The following IL22RA2 variants were observed in gnomAD, a reference collection of about 807,000 sequenced individuals.
IL22RA2 encodes the protein interleukin 22 receptor subunit alpha 2.
Under a neutral mutation model 30.7 loss-of-function variants are expected in IL22RA2, and 39 were observed. The observed-to-expected ratio is 1.27, with a 90% CI of 0.98 to 1.66. The LOEUF (loss-of-function observed/expected upper bound fraction) is 1.66. Ranked by LOEUF, IL22RA2 falls within the 40% of genes most tolerant of loss-of-function variation. The pLI, the probability that IL22RA2 is intolerant of heterozygous loss-of-function variation, is 0.00. For missense variants in IL22RA2, 315 were observed against 312.7 expected, an observed-to-expected ratio of 1.01 and a Z score of -0.05; for synonymous variants, 103 against 105.0, an observed-to-expected ratio of 0.98 and a Z score of 0.11.
rs1348357274 is a variant in IL22RA2 at position 137,156,986 on chromosome 6, C to G, written c.198-132G>C. On this transcript the variant is annotated intron_variant, in intron 3 of 6. Transcript: ENST00000296980. Reference sequence around the variant, plus strand: ...AGTCTTGCAAGAGTGAGAACTCACTCAACTGCAGCAATAATGGTACCAAGC... The same window carrying G: ...AGTCTTGCAAGAGTGAGAACTCACTGAACTGCAGCAATAATGGTACCAAGC... 7 of 1,247,666 alleles carry G rather than the reference C, an allele frequency of 5.6e-6. No individual in the cohort carries two copies. The Admixed American group carries it at 8.8e-5, about 16-fold the overall frequency. The allele number at this position is 1,247,666 out of a possible 1,614,324, so 77.3% of individuals were successfully genotyped here. A position where few individuals can be genotyped will look rare whatever the true frequency, so the allele number is the denominator to read the frequency against.
At chr6:137,160,433 A>G (rs755058801) in intron 2 of IL22RA2, among the ~76,000 whole-genome samples, 11 of 152,206 alleles carry the variant, frequency 7.2e-5, no homozygotes, top group South Asian at 2.1e-4. Flanking sequence ...CAGGCAGCCA[A>G]TGGTGAAGCT....
At chr6:137,173,177 G>A (rs982032912) in intron 1 of IL22RA2, among the ~76,000 whole-genome samples, 1 of 152,198 alleles carries the variant, frequency 6.6e-6, no homozygotes, top group African/African-American at 2.4e-5. Flanking sequence ...TTCCAGACCA[G>A]CCTGGCCAAC....
intron 1 of IL22RA2, among the ~76,000 whole-genome samples, chr6:137,170,120 C>T (rs1214101103): frequency 6.6e-6 from 1 of 152,160 alleles, no homozygotes; most frequent in Non-Finnish European, 1.5e-5. Flanking sequence ...GACAGACATA[C>T]CACCATCCGA....
In IL22RA2 at chr6:137,168,976, C is replaced by T. The variant is rs192210455; in HGVS notation, c.-66+4437G>A. 2.7e-3 allele frequency among the ~76,000 whole-genome samples: 406 copies of T among 152,292 alleles called. 2 individuals are homozygous for T. Among genetic ancestry groups the T allele is most frequent in the Non-Finnish European group, 4.2e-3 (283 of 68,018 alleles). On this transcript the variant is annotated intron_variant, in intron 1 of 6. Coordinates refer to ENST00000296980, the MANE Select transcript of IL22RA2 (RefSeq NM_052962.3). ...TTTGTCCAGCTAGCCAAAAGTATTG[C>T]TAACAATTTAGGAGTTACTTCCTGT... is the stretch of plus-strand genomic sequence containing the variant.
intron 1 of IL22RA2, among the ~76,000 whole-genome samples, chr6:137,167,834 G>T (rs907431511): frequency 1.3e-5 from 2 of 152,302 alleles, no homozygotes; most frequent in South Asian, 2.1e-4. Flanking sequence ...GTTGGTCCAC[G>T]CACGGCTGAA....
rs1252924974 is a variant in IL22RA2, at chr6:137,144,347, A to G, written c.*1277T>C. The G allele has an allele frequency of 6.6e-6, 1 of 152,198 alleles. No individual in the cohort carries two copies. The highest frequency in any genetic ancestry group is 1.5e-5 in the Non-Finnish European group (1 of 68,050). 9.4% of individuals were successfully genotyped at this position (152,198 alleles called of 1,614,324 possible). A position where few individuals can be genotyped will look rare whatever the true frequency, so the allele number is the denominator to read the frequency against. Reference sequence around the variant, plus strand: ...CTGAATATTTTTTAATCCATTTATCACTGAGTACTTGCATATAACTAGAAG... The same window carrying G: ...CTGAATATTTTTTAATCCATTTATCGCTGAGTACTTGCATATAACTAGAAG... On this transcript the variant is annotated 3_prime_UTR_variant, in exon 7 of 7. Transcript: ENST00000296980.
rs140840931 is a variant in IL22RA2 at position 137,145,705 on chromosome 6, G to T, written c.711C>A (p.Tyr237Ter). The change falls in exon 7 of 7, where the codon TAC becomes TAA. Residue 237 changes from tyrosine (Y) to a stop codon, truncating the protein, a stop_gained. Coordinates refer to ENST00000296980, the MANE Select transcript of IL22RA2 (RefSeq NM_052962.3). LOFTEE classifies it low-confidence loss of function (END_TRUNC). ...EIEALTPHSS[Y>*]CVVAEIYQPM... The stretch of plus-strand genomic sequence containing the variant: ...GCTGATATATTTCAGCCACTACACA[G>T]TAGCTGGAGTGTGGTGTTAGAGCTT... 3.2e-5 allele frequency: 52 copies of T among 1,613,686 alleles called. No homozygotes were observed. In the African/African-American group the frequency reaches 5.9e-4, roughly 18 times the overall value.
At chr6:137,149,924 C>A (rs1157568987) in intron 5 of IL22RA2, among the ~76,000 whole-genome samples, 1 of 152,182 alleles carries the variant, frequency 6.6e-6, no homozygotes, top group African/African-American at 2.4e-5. Flanking sequence ...AGTGATCCTC[C>A]TACCTCGGCC....
At chr6:137,149,899 C>T (rs1235527379) in intron 5 of IL22RA2, among the ~76,000 whole-genome samples, 1 of 152,134 alleles carries the variant, frequency 6.6e-6, no homozygotes, top group Non-Finnish European at 1.5e-5. Flanking sequence ...TTGAAATGCT[C>T]TATTCTTTGC....
intron 1 of IL22RA2, among the ~76,000 whole-genome samples, chr6:137,162,715 A>T (rs962052029): frequency 1.3e-5 from 2 of 152,176 alleles, no homozygotes; most frequent in African/African-American, 4.8e-5. Context: ...GGTCTGTGCA[A>T]ACCTACCCTT....
chr6:137,152,554 A>T (rs1393434808), intron 5 of IL22RA2, among the ~76,000 whole-genome samples: 1 of 152,176 alleles, frequency 6.6e-6, no homozygotes, highest in Non-Finnish European at 1.5e-5. Flanking sequence ...GGCTAAGGGA[A>T]TGGTGAGACT....
rs541114375 is a variant in IL22RA2 at position 137,171,828 on chromosome 6, A to T, written c.-66+1585T>A. Among the ~76,000 whole-genome samples, 11 of 152,296 alleles carry T rather than the reference A, an allele frequency of 7.2e-5. No individual in the cohort carries two copies. The East Asian group carries it at 1.5e-3, about 21-fold the overall frequency. On this transcript the variant is annotated intron_variant, in intron 1 of 6. Transcript: ENST00000296980. ...CTGCATGCTTTCTGAGGCCAGCCCTATGTGGAAAGGTTTGTGTGGATAACA... is the reference window on the plus strand; with the variant it reads ...CTGCATGCTTTCTGAGGCCAGCCCTTTGTGGAAAGGTTTGTGTGGATAACA...
chr6:137,162,642 A>T (rs1041749961), intron 1 of IL22RA2, among the ~76,000 whole-genome samples: 2 of 151,932 alleles, frequency 1.3e-5, no homozygotes, highest in Non-Finnish European at 2.9e-5. Context: ...TTTTTACTAC[A>T]CGTGTTTAGA....
At chr6:137,162,401 C>T (rs187851138) in intron 1 of IL22RA2, among the ~76,000 whole-genome samples, 78 of 152,298 alleles carry the variant, frequency 5.1e-4, no homozygotes, top group Non-Finnish European at 8.7e-4. Context: ...CATAGTGGTC[C>T]TGGGCTCCAT....
chr6:137,161,656 C>G, intron 2 of IL22RA2, 33 bp downstream of exon 2: 2 of 1,568,556 alleles, frequency 1.3e-6, no homozygotes, highest in Non-Finnish European at 1.8e-6. Context: ...GATGACAAAG[C>G]TATGAGCAAT....
chr6:137,148,450 T>G (rs1341523041), intron 5 of IL22RA2, among the ~76,000 whole-genome samples: 1 of 152,206 alleles, frequency 6.6e-6, no homozygotes, highest in Non-Finnish European at 1.5e-5. Context: ...TCTAACTCCC[T>G]GCCTTGTGCT....
At chr6:137,156,911 T>C (rs1582881146) in intron 3 of IL22RA2, 57 bp from the exon 4 acceptor site, 2 of 1,576,842 alleles carry the variant, frequency 1.3e-6, no homozygotes, top group Non-Finnish European at 1.7e-6. Flanking sequence ...TCAAGGGGCA[T>C]CCTGGCTTTA....
intron 1 of IL22RA2, among the ~76,000 whole-genome samples, chr6:137,172,643 C>T (rs543653011): frequency 6.6e-6 from 1 of 152,224 alleles, no homozygotes; most frequent in South Asian, 2.1e-4. Flanking sequence ...CTGCCCTCCC[C>T]CGACCTCGGC....
intron 1 of IL22RA2, among the ~76,000 whole-genome samples, chr6:137,162,152 C>T (rs376028700): frequency 4.5e-4 from 68 of 152,206 alleles, no homozygotes; most frequent in Middle Eastern, 6.8e-3. Context: ...CCCCAGGAGG[C>T]GGAGAGGCTG....
Sources: allele counts gnomAD v4.1 joint callset (sites outside exome capture counted in the v4.1 genomes callset), GRCh38; gene constraint gnomAD v4.1.1; transcripts MANE v1.5; gene names NCBI Gene and HGNC (gene_info 2026-07-23, HGNC 2026-07-21).